The following PRKG1 variants were observed in gnomAD, a reference collection of about 807,000 sequenced individuals.
The protein encoded by PRKG1 is cGMP-dependent protein kinase 1.
A neutral mutation model predicts 88.1 loss-of-function variants in PRKG1; 35 were observed. The ratio of observed to expected loss-of-function variants is 0.40; its 90% CI spans 0.30 to 0.53. The LOEUF is 0.53. Ranked by LOEUF, PRKG1 falls within the 20% of genes least tolerant of loss-of-function variation. The pLI is 0.59. For missense variants in PRKG1, 540 were observed against 839.8 expected, an observed-to-expected ratio of 0.64 and a Z score of 4.41; for synonymous variants, 303 against 292.5, an observed-to-expected ratio of 1.04 and a Z score of -0.37.
intron 3 of PRKG1, among the ~76,000 whole-genome samples, chr10:51,549,747 T>A (rs1263818635): frequency 1.3e-5 from 2 of 152,108 alleles, no homozygotes; most frequent in Non-Finnish European, 1.5e-5. Context: ...GTCTTAAGAT[T>A]AGGGTGATGA....
At chr10:51,573,230 G>A (rs10998254) in intron 3 of PRKG1, among the ~76,000 whole-genome samples, 11,206 of 151,780 alleles carry the variant, frequency 0.074, 1,384 homozygotes, top group African/African-American at 0.25. Flanking sequence ...CATCTTTTGA[G>A]TTTTCTCCCT....
At chr10:51,051,857 A>G (rs1271961409) in intron 1 of PRKG1, among the ~76,000 whole-genome samples, 4 of 152,152 alleles carry the variant, frequency 2.6e-5, no homozygotes, top group African/African-American at 9.6e-5. Context: ...GCACATTCCT[A>G]AGGCTTAAGA....
At chr10:51,042,073 C>T (rs1843431867) in intron 1 of PRKG1, among the ~76,000 whole-genome samples, 1 of 152,126 alleles carries the variant, frequency 6.6e-6, no homozygotes, top group Non-Finnish European at 1.5e-5. Flanking sequence ...CTGCACACAC[C>T]TGTAAGCCCA....
intron 4 of PRKG1, among the ~76,000 whole-genome samples, chr10:51,859,175 A>C (rs1312360008): frequency 6.6e-6 from 1 of 152,192 alleles, no homozygotes; most frequent in Admixed American, 6.5e-5. Context: ...TGGCGTTCAA[A>C]TGTGTATTTA....
intron 3 of PRKG1, among the ~76,000 whole-genome samples, chr10:51,469,204 C>A (rs1839982871): frequency 6.6e-6 from 1 of 151,808 alleles, no homozygotes; most frequent in African/African-American, 2.4e-5. Flanking sequence ...ACAATTTTTA[C>A]AATCATGCTT....
intron 5 of PRKG1, among the ~76,000 whole-genome samples, chr10:52,010,753 T>C (rs1015968085): frequency 6.6e-6 from 1 of 152,218 alleles, no homozygotes; most frequent in Non-Finnish European, 1.5e-5. Context: ...TTCTTTATGA[T>C]GAAGATGGCC....
intron 3 of PRKG1, among the ~76,000 whole-genome samples, chr10:51,647,866 CATA>C (rs1989388248): frequency 6.6e-6 from 1 of 152,032 alleles, no homozygotes; most frequent in Non-Finnish European, 1.5e-5. Flanking sequence ...AATTATTTGC[CATA>C]ATGATACATT....
At chr10:51,763,099 T>A (rs992718679) in intron 3 of PRKG1, among the ~76,000 whole-genome samples, 3 of 152,348 alleles carry the variant, frequency 2.0e-5, no homozygotes, top group African/African-American at 7.2e-5. Flanking sequence ...ATCTATATGA[T>A]AATATGACTG....
intron 3 of PRKG1, among the ~76,000 whole-genome samples, chr10:51,672,697 A>G: frequency 6.6e-6 from 1 of 152,202 alleles, no homozygotes; most frequent in East Asian, 1.9e-4. Flanking sequence ...GAGAAAATAC[A>G]TGTTTACATG....
intron 1 of PRKG1, among the ~76,000 whole-genome samples, chr10:51,030,133 T>A (rs12571742): frequency 0.028 from 4,317 of 152,150 alleles, 78 homozygotes; most frequent in African/African-American, 0.043. Flanking sequence ...TAAAAGGCTG[T>A]TGGATAATAG....
intron 4 of PRKG1, among the ~76,000 whole-genome samples, chr10:51,809,835 C>A (rs1839406658): frequency 1.3e-5 from 2 of 152,164 alleles, no homozygotes; most frequent in Non-Finnish European, 2.9e-5. Flanking sequence ...CTAGTTCTTA[C>A]CATTGTCTTC....
At chr10:51,851,823 G>A (rs1042429196) in intron 4 of PRKG1, among the ~76,000 whole-genome samples, 1 of 152,094 alleles carries the variant, frequency 6.6e-6, no homozygotes, top group Non-Finnish European at 1.5e-5. Flanking sequence ...AGATACCAAG[G>A]TTGGCGAATA....
At chr10:51,342,048 C>T (rs1440337989) in intron 2 of PRKG1, among the ~76,000 whole-genome samples, 1 of 152,154 alleles carries the variant, frequency 6.6e-6, no homozygotes, top group Non-Finnish European at 1.5e-5. Context: ...CACAGCCAAA[C>T]CATATCAGTA....
intron 3 of PRKG1, among the ~76,000 whole-genome samples, chr10:51,701,318 A>T (rs1228130179): frequency 2.0e-5 from 3 of 152,228 alleles, no homozygotes; most frequent in Admixed American, 1.3e-4. Context: ...TGTATTATGT[A>T]TCTTCAGTAT....
At chr10:51,889,195 T>G (rs1386555946) in intron 4 of PRKG1, among the ~76,000 whole-genome samples, 4 of 147,430 alleles carry the variant, frequency 2.7e-5, no homozygotes, top group Non-Finnish European at 4.5e-5. Context: ...ATCTCCTAAT[T>G]CTATCCCTCC....
At chr10:51,575,174 T>C (rs750065503) in intron 3 of PRKG1, among the ~76,000 whole-genome samples, 1 of 151,978 alleles carries the variant, frequency 6.6e-6, no homozygotes, top group Non-Finnish European at 1.5e-5. Flanking sequence ...CAGAAGTTTA[T>C]TAATGCTTGC....
intron 3 of PRKG1, among the ~76,000 whole-genome samples, chr10:51,796,686 G>T (rs1839020296): frequency 6.6e-6 from 1 of 152,078 alleles, no homozygotes; most frequent in African/African-American, 2.4e-5. Context: ...CATAATTTCT[G>T]GGTGTATCTA....
rs1846264339 is a variant in PRKG1, at chr10:52,062,635, A to T, written c.935+4A>T. 1 of 1,583,836 alleles carries T rather than the reference A, an allele frequency of 6.3e-7. No homozygotes were observed. Among genetic ancestry groups the T allele is most frequent in the African/African-American group, 1.4e-5 (1 of 73,502 alleles). ...TTGGAGAGAAAGCCTTGCAGGGGTA[A>T]GTAGATCATGTGTTATACAGGTTTT... is the stretch of plus-strand genomic sequence containing the variant. On this transcript the variant is annotated splice_donor_region_variant and intron_variant, in intron 7 of 17. Transcript: ENST00000373980.
intron 9 of PRKG1, among the ~76,000 whole-genome samples, chr10:52,230,538 G>A (rs763986723): frequency 3.9e-5 from 6 of 152,182 alleles, no homozygotes; most frequent in Non-Finnish European, 8.8e-5. Flanking sequence ...TTGTTTAGGT[G>A]GCCAGTGAGT....
Sources: allele counts gnomAD v4.1 joint callset (sites outside exome capture counted in the v4.1 genomes callset), GRCh38; gene constraint gnomAD v4.1.1; transcripts MANE v1.5; gene names NCBI Gene and HGNC (gene_info 2026-07-23, HGNC 2026-07-21).